Variants in TRMT44 observed in about 807,000 individuals in gnomAD.
The protein encoded by TRMT44 is tRNA methyltransferase 44 homolog, also known as probable tRNA (uracil-O(2)-)-methyltransferase.
TRMT44 carries 78 observed loss-of-function variants against 77.3 expected under a neutral mutation model. The ratio of observed to expected loss-of-function variants is 1.01; its 90% CI spans 0.84 to 1.22. TRMT44 has a LOEUF of 1.22. Ranked by LOEUF, TRMT44 falls within the 50% of genes most tolerant of loss-of-function variation. TRMT44 has a pLI of 0.00. For synonymous variants in TRMT44, 391 were observed against 383.3 expected (o/e 1.02, Z -0.23); for missense variants, 1,090 against 964.4 (o/e 1.13, Z -1.73).
intron 2 of TRMT44, among the ~76,000 whole-genome samples, chr4:8,485,799 G>C (rs139766101): frequency 0.01 from 1,583 of 152,304 alleles, 16 homozygotes; most frequent in Non-Finnish European, 0.015. Context: ...GTGTATAAAA[G>C]AGTGTTGTCC....
chr4:8,453,208 C>T (rs1725568652), intron 5 of TRMT44, among the ~76,000 whole-genome samples: 1 of 152,118 alleles, frequency 6.6e-6, no homozygotes, highest in Admixed American at 6.5e-5. Flanking sequence ...AGAGGAAGTC[C>T]CCGGGCCCCG....
intron 2 of TRMT44, among the ~76,000 whole-genome samples, chr4:8,492,160 TCTC>T (rs1382178841): frequency 6.6e-6 from 1 of 152,036 alleles, no homozygotes; most frequent in Non-Finnish European, 1.5e-5. Flanking sequence ...GGCAAGTAAA[TCTC>T]CTCCATAATC....
Position 8,451,054 on chromosome 4 carries a change from C to T in TRMT44, c.955-906C>T, listed in dbSNP as rs543098843. Among the ~76,000 whole-genome samples the T allele has an allele frequency of 6.6e-6, 1 of 152,190 alleles. No individual in the cohort carries two copies. The highest frequency in any genetic ancestry group is 2.1e-4 in the South Asian group (1 of 4,834). On this transcript the variant is annotated intron_variant, in intron 3 of 10. Coordinates refer to ENST00000389737, the MANE Select transcript of TRMT44 (RefSeq NM_152544.3). The surrounding 1 kb of genome is among the most constrained non-coding windows in gnomAD (Gnocchi z 4.1). ...AAGTGCTTGGATTACAGGCTTGAGC[C>T]ACTGCCCGGCTTCCATGTATTTTTT...
intron 10 of TRMT44, 152 bp from the exon 11 acceptor site, chr4:8,475,620 C>T: frequency 4.3e-6 from 3 of 696,810 alleles, no homozygotes; most frequent in South Asian, 1.8e-5. Context: ...GAGGCAGACT[C>T]ACTGTGACCA....
At chr4:8,472,132 A>C (rs1184306683) in intron 10 of TRMT44, among the ~76,000 whole-genome samples, 3 of 151,514 alleles carry the variant, frequency 2.0e-5, no homozygotes, top group Non-Finnish European at 4.4e-5. Context: ...TTGTGTCACC[A>C]CCATGCCCTA....
At chr4:8,486,017 C>T (rs1328781396) in intron 2 of TRMT44, among the ~76,000 whole-genome samples, 2 of 152,130 alleles carry the variant, frequency 1.3e-5, no homozygotes, top group Non-Finnish European at 2.9e-5. Context: ...AGGGGGCTTC[C>T]AAGGTGATCG....
rs1010180905 is a variant in TRMT44, at chr4:8,444,606, C to T, written c.620-1870C>T. 1.3e-5 allele frequency among the ~76,000 whole-genome samples: 2 copies of T among 152,220 alleles called. No individual in the cohort carries two copies. The highest frequency in any genetic ancestry group is 2.9e-5 in the Non-Finnish European group (2 of 68,044). Reference sequence around the variant, plus strand: ...AGAGATGGGGTTTCACCATGTTGGCCAGACTGGTCTCCTACTCCTGACCTC... The same window carrying T: ...AGAGATGGGGTTTCACCATGTTGGCTAGACTGGTCTCCTACTCCTGACCTC... On this transcript the variant is annotated intron_variant, in intron 1 of 10. Transcript: ENST00000389737. This position sits in a 1 kb window ranked among gnomAD's most constrained non-coding sequence, Gnocchi z 4.0.
intron 10 of TRMT44, among the ~76,000 whole-genome samples, chr4:8,472,136 T>C (rs1209667371): frequency 6.6e-6 from 1 of 152,096 alleles, no homozygotes; most frequent in Admixed American, 6.6e-5. Flanking sequence ...GTCACCACCA[T>C]GCCCTAAGCA....
the TRMT44 span, among the ~76,000 whole-genome samples, chr4:8,503,020 C>T: frequency 2.0e-5 from 3 of 152,324 alleles, no homozygotes; most frequent in African/African-American, 7.2e-5. Context: ...GTTGAGGGGG[C>T]GTTCCCCACC....
chr4:8,460,063 A>G (rs112820233), intron 6 of TRMT44, among the ~76,000 whole-genome samples: 3,748 of 152,310 alleles, frequency 0.025, 155 homozygotes, highest in African/African-American at 0.086. Flanking sequence ...CCGTGGGGTT[A>G]AAGTGCACTC....
intron 8 of TRMT44, among the ~76,000 whole-genome samples, chr4:8,466,675 C>T (rs1426233746): frequency 3.3e-5 from 5 of 152,206 alleles, no homozygotes; most frequent in East Asian, 1.9e-4. Context: ...GTCCTCTAGG[C>T]GGGTCCGAGG....
Position 8,465,875 on chromosome 4 carries a change from C to A in TRMT44, c.1494+314C>A, listed in dbSNP as rs376478191. 1.1e-4 allele frequency among the ~76,000 whole-genome samples: 16 copies of A among 152,316 alleles called. No individual in the cohort carries two copies. The East Asian group carries it at 2.9e-3, about 28-fold the overall frequency. ...AGGCCTCAGTGTGGCCTGTGGCTGA[C>A]CTCCCTGTGGAAAGTTCCTGCTCCT... On this transcript the variant is annotated intron_variant, in intron 8 of 10. Transcript: ENST00000389737.
downstream of TRMT44, among the ~76,000 whole-genome samples, chr4:8,496,320 C>T (rs1327495428): frequency 6.6e-6 from 1 of 152,198 alleles, no homozygotes; most frequent in Non-Finnish European, 1.5e-5. Flanking sequence ...CACCAAGAAC[C>T]TGGACAACTA....
the TRMT44 span, chr4:8,511,980 G>C: frequency 3.3e-4 from 51 of 152,278 alleles, no homozygotes; most frequent in African/African-American, 1.2e-3. Flanking sequence ...CCCTGCAATA[G>C]ATCCCTTTAA....
At chr4:8,442,765 C>T (rs1724830927) in intron 1 of TRMT44, among the ~76,000 whole-genome samples, 1 of 152,186 alleles carries the variant, frequency 6.6e-6, no homozygotes, top group African/African-American at 2.4e-5. Context: ...ATGCAGCTTC[C>T]TACATCTCAG....
chr4:8,480,340 T>C (rs1386904876), downstream of TRMT44, among the ~76,000 whole-genome samples: 5 of 152,182 alleles, frequency 3.3e-5, no homozygotes, highest in Admixed American at 6.5e-5. Context: ...TGGGGTCTTA[T>C]ATATTGGCGT....
chr4:8,499,028 G>GTGCAGCAGGGGCAGATACAGC, the TRMT44 span, among the ~76,000 whole-genome samples: 2 of 152,090 alleles, frequency 1.3e-5, 1 homozygote, highest in Admixed American at 1.3e-4. Context: ...GTGGCTCCAG[G>GTGCAGCAGGGGCAGATACAGC]TGCAGCAGGG....
chr4:8,474,511 G>T (rs1176343495), intron 10 of TRMT44, among the ~76,000 whole-genome samples: 1 of 152,234 alleles, frequency 6.6e-6, no homozygotes, highest in Non-Finnish European at 1.5e-5. Context: ...CGTTCTCTGG[G>T]CTCATTTCTC....
chr4:8,487,348 AAGAG>A (rs1253965115), intron 2 of TRMT44, among the ~76,000 whole-genome samples: 1 of 152,070 alleles, frequency 6.6e-6, no homozygotes, highest in African/African-American at 2.4e-5. Flanking sequence ...GCCCAGAGAA[AAGAG>A]AGAGTAGAGA....
Sources: gnomAD v4.1 joint callset for allele counts (sites outside exome capture counted in the v4.1 genomes callset) on GRCh38, gnomAD v4.1.1 for gene constraint, Gnocchi (gnomAD v3.1) non-coding constraint, MANE v1.5 for transcripts, NCBI Gene and HGNC (gene_info 2026-07-23, HGNC 2026-07-21) for gene names.